The following MDFIC2 variants were observed in gnomAD, a reference collection of about 807,000 sequenced individuals.
The protein encoded by MDFIC2 is MyoD family inhibitor domain containing 2.
intron 3 of MDFIC2, among the ~76,000 whole-genome samples, chr3:70,201,049 CT>C (rs201795649): frequency 6.6e-6 from 1 of 150,664 alleles, no homozygotes; most frequent in Non-Finnish European, 1.5e-5. Flanking sequence ...TATTTAAATT[CT>C]TTTTTTAACA....
intron 2 of MDFIC2, among the ~76,000 whole-genome samples, chr3:70,251,912 C>T (rs1701772857): frequency 6.6e-6 from 1 of 152,190 alleles, no homozygotes; most frequent in Admixed American, 6.5e-5. Context: ...TGTCTTGTTA[C>T]ACTGTAATTA....
intron 2 of MDFIC2, among the ~76,000 whole-genome samples, chr3:70,220,171 G>T (rs1261374768): frequency 6.6e-6 from 1 of 152,086 alleles, no homozygotes; most frequent in East Asian, 1.9e-4. Context: ...AATTTTGAGA[G>T]AATAAGGTTA....
At chr3:70,252,524 T>C (rs772062750) in intron 2 of MDFIC2, among the ~76,000 whole-genome samples, 13 of 152,122 alleles carry the variant, frequency 8.5e-5, no homozygotes, top group East Asian at 1.9e-4. Flanking sequence ...AAGGTTACAA[T>C]TGCAAAAGCT....
intron 2 of MDFIC2, among the ~76,000 whole-genome samples, chr3:70,274,056 C>CGTGTGTGTGTGTGTGT (rs111792704): frequency 4.9e-5 from 7 of 142,852 alleles, no homozygotes; most frequent in South Asian, 2.4e-4. Context: ...ATTAAACCTC[C>CGTGTGTGTGTGTGTGT]GTGTGTGTGT....
chr3:70,309,906 CT>C (rs899228899), intron 2 of MDFIC2, among the ~76,000 whole-genome samples: 32 of 152,028 alleles, frequency 2.1e-4, no homozygotes, highest in Non-Finnish European at 4.1e-4. Flanking sequence ...GGACACGATT[CT>C]TTTTTTAAAG....
At chr3:70,253,938 C>T (rs762925367) in intron 2 of MDFIC2, among the ~76,000 whole-genome samples, 1 of 151,926 alleles carries the variant, frequency 6.6e-6, no homozygotes, top group Non-Finnish European at 1.5e-5. Flanking sequence ...AAACAAAGTC[C>T]AGAAGCTTTC....
intron 2 of MDFIC2, among the ~76,000 whole-genome samples, chr3:70,272,880 C>T (rs998409440): frequency 1.3e-4 from 20 of 152,170 alleles, no homozygotes; most frequent in African/African-American, 4.8e-4. Context: ...CAGAGGAAAT[C>T]ACTGAAACAA....
chr3:70,299,313 ATT>A (rs1185043120), intron 2 of MDFIC2, among the ~76,000 whole-genome samples: 1 of 144,188 alleles, frequency 6.9e-6, no homozygotes, highest in African/African-American at 2.6e-5. Flanking sequence ...AAAATTATAA[ATT>A]TGTGCGTTAT....
At chr3:70,254,996 T>A (rs1701801633) in intron 2 of MDFIC2, among the ~76,000 whole-genome samples, 1 of 152,190 alleles carries the variant, frequency 6.6e-6, no homozygotes, top group Non-Finnish European at 1.5e-5. Context: ...TGATGGACAT[T>A]TAGATTGTTC....
At chr3:70,300,726 A>C (rs868182033) in intron 2 of MDFIC2, among the ~76,000 whole-genome samples, 8 of 152,098 alleles carry the variant, frequency 5.3e-5, no homozygotes, top group Admixed American at 6.6e-5. Context: ...TCTGTCATAG[A>C]ACAAGTAATG....
chr3:70,222,221 A>C (rs2106737577), intron 2 of MDFIC2, among the ~76,000 whole-genome samples: 1 of 152,238 alleles, frequency 6.6e-6, no homozygotes, highest in Non-Finnish European at 1.5e-5. Context: ...GCCTTGGAGA[A>C]TTGTGGGTTT....
chr3:70,214,932 A>T (rs1701391356), intron 2 of MDFIC2, among the ~76,000 whole-genome samples: 2 of 152,222 alleles, frequency 1.3e-5, no homozygotes, highest in South Asian at 4.1e-4. Context: ...TGGATTAATA[A>T]TAGGTTTAGG....
intron 2 of MDFIC2, among the ~76,000 whole-genome samples, chr3:70,295,505 C>G (rs1575618832): frequency 6.6e-6 from 1 of 152,018 alleles, no homozygotes; most frequent in Non-Finnish European, 1.5e-5. Context: ...GAGTTCGAGA[C>G]TGGCCTGGGA....
chr3:70,272,719 T>C (rs567950266), intron 2 of MDFIC2, among the ~76,000 whole-genome samples: 60 of 152,348 alleles, frequency 3.9e-4, no homozygotes, highest in African/African-American at 1.3e-3. Context: ...GTACATTGCA[T>C]TGCTGGAATG....
chr3:70,278,539 ACT>A (rs1331052042), intron 2 of MDFIC2, among the ~76,000 whole-genome samples: 8 of 152,154 alleles, frequency 5.3e-5, no homozygotes, highest in Admixed American at 5.2e-4. Flanking sequence ...GAGTTCAGTC[ACT>A]CTGTGCTGTT....
intron 2 of MDFIC2, among the ~76,000 whole-genome samples, chr3:70,208,102 G>A (rs1486174997): frequency 6.6e-6 from 1 of 152,052 alleles, no homozygotes; most frequent in Non-Finnish European, 1.5e-5. Flanking sequence ...ACTGGGTCAT[G>A]GTGCAGTTAG....
chr3:70,265,143 G>T (rs1048757595), intron 2 of MDFIC2, among the ~76,000 whole-genome samples: 2 of 152,192 alleles, frequency 1.3e-5, no homozygotes, highest in Non-Finnish European at 2.9e-5. Context: ...AATTATGGGA[G>T]CTACAATTCA....
intron 2 of MDFIC2, among the ~76,000 whole-genome samples, chr3:70,240,557 G>T (rs1174480466): frequency 6.6e-6 from 1 of 152,030 alleles, no homozygotes; most frequent in East Asian, 1.9e-4. Context: ...TGCACTGGTT[G>T]GCTTTTAATT....
At chr3:70,292,582 A>G (rs1470551076) in intron 2 of MDFIC2, among the ~76,000 whole-genome samples, 8 of 152,130 alleles carry the variant, frequency 5.3e-5, no homozygotes, top group Non-Finnish European at 8.8e-5. Context: ...TTTTTATGCC[A>G]AACTATTTTT....
Sources: gnomAD v4.1 joint callset for allele counts (sites outside exome capture counted in the v4.1 genomes callset) on GRCh38, gnomAD v4.1.1 for gene constraint, MANE v1.5 for transcripts, NCBI Gene and HGNC (gene_info 2026-07-23, HGNC 2026-07-21) for gene names.